Variants in IGF2BP1 observed in about 807,000 individuals in gnomAD.
IGF2BP1 encodes insulin-like growth factor 2 mRNA-binding protein 1.
IGF2BP1 carries 11 observed loss-of-function variants against 74.9 expected under a neutral mutation model. That is an observed-to-expected ratio of 0.15 (90% confidence interval 0.09 to 0.24). The LOEUF is 0.24. IGF2BP1 is among the 10% of genes least tolerant of loss of function. The pLI, the probability that IGF2BP1 is intolerant of heterozygous loss-of-function variation, is 1.00. For missense variants in IGF2BP1, 440 were observed against 757.4 expected (o/e 0.58, Z 4.92); for synonymous variants, 287 against 281.8 (o/e 1.02, Z -0.18).
intron 4 of IGF2BP1, 101 bp from the exon 5 acceptor site, chr17:49,031,809 A>G: frequency 1.9e-6 from 2 of 1,055,550 alleles, no homozygotes; most frequent in Non-Finnish European, 2.9e-6. Flanking sequence ...GGCCTGCCAG[A>G]TGTCTTCTTG....
rs188249326 is a variant in IGF2BP1, at chr17:49,008,947, T to C, written c.236+9778T>C. Among the ~76,000 whole-genome samples the C allele has an allele frequency of 2.4e-3, 358 of 152,136 alleles. 2 individuals are homozygous for C. Among genetic ancestry groups the C allele is most frequent in the African/African-American group, 8.3e-3 (345 of 41,486 alleles). ...AGTCTACTATTGCATGATATGCCCT[T>C]TGCTAGGTATTAGAAATACAATGAG... On this transcript the variant is annotated intron_variant, in intron 2 of 14. Transcript: ENST00000290341.
chr17:49,022,812 AGGG>A (rs1450924753), intron 2 of IGF2BP1, among the ~76,000 whole-genome samples: 1 of 152,200 alleles, frequency 6.6e-6, no homozygotes, highest in East Asian at 1.9e-4. Flanking sequence ...GATTGTACTA[AGGG>A]ACCATCTTGA....
At chr17:49,003,180 A>T (rs1038278604) in intron 2 of IGF2BP1, among the ~76,000 whole-genome samples, 1 of 152,202 alleles carries the variant, frequency 6.6e-6, no homozygotes, top group Non-Finnish European at 1.5e-5. Flanking sequence ...TAAATACATG[A>T]CATTAGCAAT....
chr17:49,017,103 C>G (rs1472673056), intron 2 of IGF2BP1, among the ~76,000 whole-genome samples: 1 of 151,970 alleles, frequency 6.6e-6, no homozygotes. Flanking sequence ...CTTAGGGCAA[C>G]TTCCAGATGG....
At chr17:49,032,425 T>C (rs1461003987) in intron 5 of IGF2BP1, among the ~76,000 whole-genome samples, 2 of 151,536 alleles carry the variant, frequency 1.3e-5, no homozygotes, top group Non-Finnish European at 2.9e-5. Context: ...GCAGTGATGG[T>C]CGTAAACCTA....
At chr17:49,047,696 A>C (rs2042120408) in intron 14 of IGF2BP1, among the ~76,000 whole-genome samples, 1 of 151,204 alleles carries the variant, frequency 6.6e-6, no homozygotes, top group South Asian at 2.1e-4. Context: ...TTATTTTCCC[A>C]ACCTAGATCA....
intron 2 of IGF2BP1, among the ~76,000 whole-genome samples, chr17:49,021,489 G>A (rs991222935): frequency 2.0e-5 from 3 of 152,120 alleles, no homozygotes; most frequent in African/African-American, 7.2e-5. Context: ...TAGCTGCTAT[G>A]TATCTGGCAA....
chr17:49,041,334 T>C (rs2144127154), intron 7 of IGF2BP1, 44 bp from the exon 8 acceptor site: 4 of 1,609,602 alleles, frequency 2.5e-6, no homozygotes, highest in East Asian at 4.5e-5. Context: ...AAGCCCACAA[T>C]TGAAGGAACT....
rs919403841 is a variant in IGF2BP1, at chr17:49,039,887, G to A, written c.684-70G>A. The A allele has an allele frequency of 3.9e-6, 6 of 1,547,796 alleles. No individual in the cohort carries two copies. In the African/African-American group the frequency reaches 5.5e-5, roughly 14 times the overall value. ...CTATGCCTTTGACTGAGGAGGGGTA[G>A]TGGGGTGGGGAGCCTGAAGTACTGG... On this transcript the variant is annotated intron_variant, in intron 6 of 14. Coordinates refer to ENST00000290341, the MANE Select transcript of IGF2BP1 (RefSeq NM_006546.4).
chr17:49,023,807 C>T (rs1208054931), intron 2 of IGF2BP1, among the ~76,000 whole-genome samples: 1 of 152,058 alleles, frequency 6.6e-6, no homozygotes, highest in African/African-American at 2.4e-5. Flanking sequence ...TTGGCCAATG[C>T]ATCAAGTCAA....
rs2042010883 is a variant in IGF2BP1 at position 49,038,267 on chromosome 17, C to T, written c.501C>T (p.Arg167=). The change falls in exon 6 of 15, where the codon CGC becomes CGT. Residue 167 remains arginine, a synonymous_variant. Coordinates refer to ENST00000290341, the MANE Select transcript of IGF2BP1 (RefSeq NM_006546.4). ...EQIAQGPENG[R]RGGFGSRGQP... Reference sequence around the variant, plus strand: ...TAGCACAGGGACCTGAGAATGGGCGCCGAGGGGGCTTTGGCTCTCGGGGTC... The same window carrying T: ...TAGCACAGGGACCTGAGAATGGGCGTCGAGGGGGCTTTGGCTCTCGGGGTC... 1.9e-6 allele frequency: 3 copies of T among 1,600,330 alleles called. No individual in the cohort carries two copies. Among genetic ancestry groups the T allele is most frequent in the East Asian group, 2.3e-5 (1 of 44,264 alleles).
Position 48,997,992 on chromosome 17 carries a change from TCC to T in IGF2BP1, c.175+73_175+74del. The stretch of plus-strand genomic sequence containing the variant: ...ACAACGGAGACCCGCACCTTCCGGT[TCC>T]TCTCCCGCCAACTCCTCTCTTCCCG... On this transcript the variant is annotated intron_variant, in intron 1 of 14. Coordinates refer to ENST00000290341, the MANE Select transcript of IGF2BP1 (RefSeq NM_006546.4). The surrounding 1 kb of genome is among the most constrained non-coding windows in gnomAD (Gnocchi z 4.8). 1.1e-5 allele frequency: 17 copies of T among 1,528,744 alleles called. No individual in the cohort carries two copies. Among genetic ancestry groups the T allele is most frequent in the Non-Finnish European group, 1.5e-5 (17 of 1,125,432 alleles). 94.7% of individuals were successfully genotyped at this position (1,528,744 alleles called of 1,614,324 possible).
chr17:49,031,836 A>G (rs1181949773), intron 4 of IGF2BP1, 74 bp from the exon 5 acceptor site: 3 of 1,324,796 alleles, frequency 2.3e-6, no homozygotes, highest in Admixed American at 1.8e-5. Flanking sequence ...AAACGTGGAA[A>G]GCTGGAGTTG....
Position 49,038,354 on chromosome 17 carries a change from C to T in IGF2BP1, c.588C>T (p.Ile196=). Residue 196 remains isoleucine, a synonymous_variant, in exon 6 of 15, where the codon ATC becomes ATT. Transcript: ENST00000290341. ...CAGCCAAGCAGCAGCAAGTGGACAT[C>T]CCCCTTCGGCTCCTGGTGCCCACCC... is the stretch of plus-strand genomic sequence containing the variant. ...GAPAKQQQVD[I]PLRLLVPTQY... 2.5e-6 allele frequency: 4 copies of T among 1,605,876 alleles called. No homozygotes were observed. Among genetic ancestry groups the T allele is most frequent in the Non-Finnish European group, 2.6e-6 (3 of 1,176,358 alleles).
chr17:49,020,851 C>T (rs2041782747), intron 2 of IGF2BP1, among the ~76,000 whole-genome samples: 1 of 151,926 alleles, frequency 6.6e-6, no homozygotes, highest in Non-Finnish European at 1.5e-5. Flanking sequence ...TATTGTCATC[C>T]TGGTGTGGTG....
intron 4 of IGF2BP1, among the ~76,000 whole-genome samples, chr17:49,029,219 G>T (rs1203301848): frequency 1.3e-5 from 2 of 152,198 alleles, no homozygotes; most frequent in Admixed American, 6.5e-5. Flanking sequence ...CAGAGGTTTT[G>T]TTGGTTTACT....
chr17:49,029,862 T>G (rs1229020853), intron 4 of IGF2BP1, among the ~76,000 whole-genome samples: 1 of 151,138 alleles, frequency 6.6e-6, no homozygotes, highest in Admixed American at 6.6e-5. Flanking sequence ...TGGTCTCAAA[T>G]TCCTGGCACC....
chr17:49,023,959 C>G (rs1037064923), intron 2 of IGF2BP1, among the ~76,000 whole-genome samples: 3 of 151,100 alleles, frequency 2.0e-5, no homozygotes, highest in Admixed American at 6.6e-5. Context: ...TTCTGTTGCC[C>G]AGGCTGCAGT....
intron 14 of IGF2BP1, among the ~76,000 whole-genome samples, chr17:49,049,019 GTT>G (rs1377527041): frequency 6.6e-6 from 1 of 151,808 alleles, no homozygotes; most frequent in Non-Finnish European, 1.5e-5. Flanking sequence ...TAGGCATTCT[GTT>G]TTGCGTTTGG....
Sources: allele counts gnomAD v4.1 joint callset (sites outside exome capture counted in the v4.1 genomes callset), GRCh38; gene constraint gnomAD v4.1.1; non-coding constraint Gnocchi (gnomAD v3.1); transcripts MANE v1.5; gene names NCBI Gene and HGNC (gene_info 2026-07-23, HGNC 2026-07-21).